Variants in MGAT4C observed in about 807,000 individuals in gnomAD.
The protein encoded by MGAT4C is MGAT4 family member C, also known as alpha-1,3-mannosyl-glycoprotein 4-beta-N-acetylglucosaminyltransferase C.
MGAT4C carries 19 observed loss-of-function variants against 40.1 expected under a neutral mutation model. That is an observed-to-expected ratio of 0.47 (90% CI 0.33 to 0.70). The LOEUF is 0.70. MGAT4C is among the 30% of genes least tolerant of loss of function. The pLI is 0.02. For synonymous variants in MGAT4C, 181 were observed against 187.1 expected, an observed-to-expected ratio of 0.97 and a Z score of 0.27; for missense variants, 491 against 563.2, an observed-to-expected ratio of 0.87 and a Z score of 1.30.
At chr12:86,353,416 T>G (rs940618793) in intron 3 of MGAT4C, among the ~76,000 whole-genome samples, 4 of 152,188 alleles carry the variant, frequency 2.6e-5, no homozygotes, top group African/African-American at 9.6e-5. Context: ...GGGTGAGTTC[T>G]CTCTGCACTT....
At chr12:86,825,351 T>G (rs1037480783) in intron 1 of MGAT4C, among the ~76,000 whole-genome samples, 28 of 151,304 alleles carry the variant, frequency 1.9e-4, no homozygotes, top group African/African-American at 6.3e-4. Context: ...CCTAAATCTT[T>G]GCTATATACG....
chr12:86,633,626 T>C (rs149360368), intron 2 of MGAT4C, among the ~76,000 whole-genome samples: 35 of 152,258 alleles, frequency 2.3e-4, no homozygotes, highest in African/African-American at 8.4e-4. Flanking sequence ...ACATTTCAGC[T>C]TTGCAGTTGT....
chr12:86,106,726 T>C (rs188347842), intron 1 of MGAT4C, among the ~76,000 whole-genome samples: 6 of 152,254 alleles, frequency 3.9e-5, no homozygotes, highest in African/African-American at 1.2e-4. Flanking sequence ...TCTTTCCATA[T>C]GTGAGGTGTT....
At chr12:86,686,628 G>A (rs1350465064) in intron 2 of MGAT4C, among the ~76,000 whole-genome samples, 1 of 152,140 alleles carries the variant, frequency 6.6e-6, no homozygotes, top group Non-Finnish European at 1.5e-5. Flanking sequence ...TGTCCGTGAT[G>A]GACTATGTTT....
chr12:86,092,774 G>A (rs1327904095), intron 1 of MGAT4C, among the ~76,000 whole-genome samples: 1 of 152,034 alleles, frequency 6.6e-6, no homozygotes, highest in Non-Finnish European at 1.5e-5. Flanking sequence ...CCTCTAAAGA[G>A]TTATGACAAG....
chr12:86,360,686 C>T (rs1955442602), intron 3 of MGAT4C, among the ~76,000 whole-genome samples: 1 of 152,124 alleles, frequency 6.6e-6, no homozygotes, highest in South Asian at 2.1e-4. Context: ...TTCCTATACA[C>T]CAATAACAGA....
At chr12:86,178,341 T>C (rs553836851) in intron 1 of MGAT4C, among the ~76,000 whole-genome samples, 1 of 152,370 alleles carries the variant, frequency 6.6e-6, no homozygotes, top group Non-Finnish European at 1.5e-5. Context: ...ATTAAGTTGA[T>C]AATTTGCATA....
At chr12:86,624,184 C>A (rs1416679657) in intron 2 of MGAT4C, among the ~76,000 whole-genome samples, 1 of 152,086 alleles carries the variant, frequency 6.6e-6, no homozygotes, top group African/African-American at 2.4e-5. Context: ...GAGGCAAGGG[C>A]CTACCCACAA....
intron 2 of MGAT4C, among the ~76,000 whole-genome samples, chr12:86,436,289 C>A (rs1245697008): frequency 6.6e-6 from 1 of 151,256 alleles, no homozygotes; most frequent in Non-Finnish European, 1.5e-5. Context: ...TTTTGTGCAA[C>A]AATTTATGAT....
intron 2 of MGAT4C, among the ~76,000 whole-genome samples, chr12:86,651,612 C>A (rs1424540378): frequency 1.3e-5 from 2 of 151,842 alleles, no homozygotes; most frequent in Non-Finnish European, 2.9e-5. Context: ...CACTTTTCTT[C>A]CCCACAAGAT....
chr12:86,790,252 A>G lies in MGAT4C; in HGVS notation c.-262+48414T>C, dbSNP rs1236976204. On this transcript the variant is annotated intron_variant, in intron 1 of 7. Coordinates refer to the MGAT4C transcript ENST00000548651. ...GAATGCATAAAATGACTGTTATTGG[A>G]TATATTTGAAAACAAACATGGTAGC... Among the ~76,000 whole-genome samples the G allele has an allele frequency of 5.3e-5, 8 of 152,232 alleles. No individual in the cohort carries two copies. The East Asian group carries it at 1.4e-3, about 26-fold the overall frequency.
intron 2 of MGAT4C, among the ~76,000 whole-genome samples, chr12:86,612,974 C>T (rs935964268): frequency 3.6e-4 from 55 of 152,194 alleles, no homozygotes; most frequent in African/African-American, 1.3e-3. Flanking sequence ...ATGGCATTTA[C>T]ACTCTTTTGA....
chr12:86,685,544 GTAGT>G (rs1206284375), intron 2 of MGAT4C, among the ~76,000 whole-genome samples: 2 of 152,154 alleles, frequency 1.3e-5, no homozygotes, highest in Non-Finnish European at 2.9e-5. Flanking sequence ...GAAATTTAAG[GTAGT>G]TGTTTCTAAT....
chr12:86,290,486 C>A (rs1229501890), intron 4 of MGAT4C, among the ~76,000 whole-genome samples: 1 of 151,926 alleles, frequency 6.6e-6, no homozygotes, highest in Non-Finnish European at 1.5e-5. Context: ...AAACTGGATC[C>A]TTAAAGTGAG....
intron 2 of MGAT4C, among the ~76,000 whole-genome samples, chr12:86,029,492 A>C (rs970705314): frequency 2.0e-5 from 3 of 151,988 alleles, no homozygotes; most frequent in Non-Finnish European, 4.4e-5. Context: ...TATGAGAATG[A>C]GAATACAAAC....
intron 2 of MGAT4C, among the ~76,000 whole-genome samples, chr12:85,995,528 T>C (rs1363808303): frequency 6.6e-6 from 1 of 152,082 alleles, no homozygotes. Context: ...TGTGCGTCCA[T>C]CAGCCAGCAA....
chr12:86,078,881 C>A lies in MGAT4C; in HGVS notation c.-56-29158G>T, dbSNP rs145964231. On this transcript the variant is annotated intron_variant, in intron 1 of 4. Coordinates refer to ENST00000611864, the MANE Select transcript of MGAT4C (RefSeq NM_001351288.2). ...CATTGAGGAGCACTCTCATGGGATA[C>A]AAATATTTTGACATCTGACATGCAC... 2.8e-4 allele frequency among the ~76,000 whole-genome samples: 43 copies of A among 152,324 alleles called. No individual in the cohort carries two copies. In the East Asian group the frequency reaches 7.9e-3, roughly 28 times the overall value.
intron 2 of MGAT4C, among the ~76,000 whole-genome samples, chr12:86,649,478 T>A (rs1016495054): frequency 1.3e-5 from 2 of 151,754 alleles, no homozygotes; most frequent in African/African-American, 4.8e-5. Context: ...TAATTTAAAA[T>A]CTTAATAGAA....
intron 2 of MGAT4C, among the ~76,000 whole-genome samples, chr12:86,656,870 AG>A (rs1963863527): frequency 6.6e-6 from 1 of 152,100 alleles, no homozygotes; most frequent in Non-Finnish European, 1.5e-5. Context: ...GTAGAGGTTT[AG>A]GATTACATTT....
Sources: allele counts gnomAD v4.1 joint callset (sites outside exome capture counted in the v4.1 genomes callset), GRCh38; gene constraint gnomAD v4.1.1; transcripts MANE v1.5; gene names NCBI Gene and HGNC (gene_info 2026-07-23, HGNC 2026-07-21).